AKAP10: variants seen among roughly 807,000 people sequenced by gnomAD.
AKAP10 encodes A-kinase anchor protein 10, mitochondrial.
A neutral mutation model predicts 80.8 loss-of-function variants in AKAP10; 24 were observed. The ratio of observed to expected loss-of-function variants is 0.30; its 90% CI spans 0.22 to 0.42. AKAP10 has a LOEUF of 0.42. Ranked by LOEUF, AKAP10 falls within the 10% of genes least tolerant of loss-of-function variation. The pLI, the probability that AKAP10 is intolerant of heterozygous loss-of-function variation, is 1.00. For missense variants in AKAP10, 661 were observed against 794.9 expected (o/e 0.83, Z 2.03); for synonymous variants, 291 against 277.7 (o/e 1.05, Z -0.48).
chr17:19,938,091 AT>A (rs1227765146), intron 8 of AKAP10, among the ~76,000 whole-genome samples: 1 of 150,500 alleles, frequency 6.6e-6, no homozygotes, highest in African/African-American at 2.4e-5. Flanking sequence ...TGCCCAGTTA[AT>A]TTTTTGTAGT....
rs756615577 is a variant in AKAP10, at chr17:19,958,010, T to G, written c.877+4A>C. 1 of 1,604,538 alleles carries G rather than the reference T, an allele frequency of 6.2e-7. No homozygotes were observed. On this transcript the variant is annotated splice_donor_region_variant and intron_variant, in intron 4 of 14. Coordinates refer to ENST00000225737, the MANE Select transcript of AKAP10 (RefSeq NM_007202.4). ...ATGTACACACAAGAAAATCACATAC[T>G]CACTTTTCATTAGTTTTCCTGACAA... is the stretch of plus-strand genomic sequence containing the variant.
intron 12 of AKAP10, among the ~76,000 whole-genome samples, chr17:19,914,520 C>T (rs1461503867): frequency 6.7e-6 from 1 of 150,050 alleles, no homozygotes; most frequent in Non-Finnish European, 1.5e-5. Context: ...TGTGTGCCTG[C>T]AGTTCCAGCT....
chr17:19,944,334 T>C (rs1223854450), intron 5 of AKAP10, among the ~76,000 whole-genome samples: 1 of 152,200 alleles, frequency 6.6e-6, no homozygotes, highest in Non-Finnish European at 1.5e-5. Context: ...GTGGACTGCA[T>C]GTTTATATAT....
chr17:19,936,641 C>A (rs2042995853), intron 8 of AKAP10, among the ~76,000 whole-genome samples: 1 of 152,192 alleles, frequency 6.6e-6, no homozygotes, highest in Non-Finnish European at 1.5e-5. Flanking sequence ...TTCTATCTGC[C>A]TGCCAACCAT....
At chr17:19,968,079 T>C (rs2043444888) in intron 2 of AKAP10, 2 of 192,332 alleles carry the variant, frequency 1.0e-5, no homozygotes, top group Non-Finnish European at 2.1e-5. Flanking sequence ...CGTGCACCTG[T>C]AGTCCCAGCT....
Position 19,951,185 on chromosome 17 carries a change from G to A in AKAP10, c.878-3680C>T, listed in dbSNP as rs1419394250. Among the ~76,000 whole-genome samples the A allele has an allele frequency of 3.5e-5, 4 of 114,520 alleles. No homozygotes were observed. The East Asian group carries it at 9.2e-4, about 26-fold the overall frequency. 75.1% of individuals were successfully genotyped at this position (114,520 alleles called of 152,430 possible). A position where few individuals can be genotyped will look rare whatever the true frequency, so the allele number is the denominator to read the frequency against. On this transcript the variant is annotated intron_variant, in intron 4 of 14. Transcript: ENST00000225737. ...AGCCGCCCCATCTGGGAGGGAGGTG[G>A]GGGGTCAGCCCCCGCCCGGCCAGCC...
At position 19,924,526 on chromosome 17, in the gene AKAP10, G is replaced by T. The variant is rs776479156; in HGVS notation, c.1642-9C>A. The T allele has an allele frequency of 1.3e-6, 2 of 1,546,894 alleles. No individual in the cohort carries two copies. The highest frequency in any genetic ancestry group is 2.7e-5 in the African/African-American group (2 of 72,918). On this transcript the variant is annotated splice_polypyrimidine_tract_variant and intron_variant, in intron 10 of 14. Transcript: ENST00000225737. Reference sequence around the variant, plus strand: ...GCTTTTTTCACACTGGACTACAATAGAAATTGTAAAATTAGAAGTATATGA... The same window carrying T: ...GCTTTTTTCACACTGGACTACAATATAAATTGTAAAATTAGAAGTATATGA...
chr17:19,970,647 AC>A (rs1307181970), intron 1 of AKAP10, among the ~76,000 whole-genome samples: 1 of 152,078 alleles, frequency 6.6e-6, no homozygotes, highest in Non-Finnish European at 1.5e-5. Context: ...ACATGGTGAA[AC>A]CCTGTCTCTA....
intron 12 of AKAP10, among the ~76,000 whole-genome samples, chr17:19,915,008 G>A (rs2042730128): frequency 6.6e-6 from 1 of 152,088 alleles, no homozygotes; most frequent in South Asian, 2.1e-4. Flanking sequence ...GAGATGAGGT[G>A]GATGATTAAG....
intron 12 of AKAP10, among the ~76,000 whole-genome samples, chr17:19,915,224 A>G (rs2042731943): frequency 6.6e-6 from 1 of 152,240 alleles, no homozygotes. Flanking sequence ...TTCTAATCTA[A>G]AATGTGTAAC....
At chr17:19,921,852 A>G (rs1375581950) in intron 11 of AKAP10, among the ~76,000 whole-genome samples, 1 of 152,210 alleles carries the variant, frequency 6.6e-6, no homozygotes, top group East Asian at 1.9e-4. Context: ...GCTCTGCTAC[A>G]GTGATGAGTT....
rs567355305 is a variant in AKAP10 at position 19,905,475 on chromosome 17, G to A, written c.*752C>T. Reference sequence around the variant, plus strand: ...CTGAAGGGAAAGTTAAGTAACTGGAGTGCAGAATTCCAAAGGGGCAAATCC... The same window carrying A: ...CTGAAGGGAAAGTTAAGTAACTGGAATGCAGAATTCCAAAGGGGCAAATCC... On this transcript the variant is annotated 3_prime_UTR_variant, in exon 15 of 15. Coordinates refer to ENST00000225737, the MANE Select transcript of AKAP10 (RefSeq NM_007202.4). 6.6e-6 allele frequency: 1 copy of A among 152,468 alleles called. No individual in the cohort carries two copies. Among genetic ancestry groups the A allele is most frequent in the South Asian group, 2.1e-4 (1 of 4,822 alleles). The allele number at this position is 152,468 out of a possible 1,614,324, so 9.4% of individuals were successfully genotyped here.
intron 5 of AKAP10, among the ~76,000 whole-genome samples, chr17:19,942,111 TAAC>T (rs1339072200): frequency 5.9e-5 from 9 of 152,148 alleles, no homozygotes; most frequent in Non-Finnish European, 1.3e-4. Flanking sequence ...TCAAAAGATT[TAAC>T]AACATAAAAT....
intron 11 of AKAP10, among the ~76,000 whole-genome samples, chr17:19,921,443 A>C (rs1156935144): frequency 6.6e-6 from 1 of 151,838 alleles, no homozygotes; most frequent in African/African-American, 2.4e-5. Context: ...GGCGTGAGCC[A>C]CTGTGTCCAG....
At chr17:19,970,549 G>A (rs910334849) in intron 1 of AKAP10, among the ~76,000 whole-genome samples, 33 of 152,108 alleles carry the variant, frequency 2.2e-4, no homozygotes, top group Non-Finnish European at 3.7e-4. Context: ...CTGGCCAAGC[G>A]CAGTGGCTCA....
intron 1 of AKAP10, among the ~76,000 whole-genome samples, chr17:19,974,198 A>T (rs868375642): frequency 2.1e-4 from 32 of 152,316 alleles, no homozygotes; most frequent in South Asian, 1.7e-3. Flanking sequence ...TCTCAAAAAA[A>T]AGAAAAGAAA....
Position 19,964,866 on chromosome 17 carries a change from G to A in AKAP10, c.137-1844C>T, listed in dbSNP as rs534626954. ...TGCGCGATCTCGCCACTGCCCTCCA[G>A]CCTGGGCAACAGAGCGAGAATCTGT... On this transcript the variant is annotated intron_variant, in intron 2 of 14. Coordinates refer to ENST00000225737, the MANE Select transcript of AKAP10 (RefSeq NM_007202.4). Among the ~76,000 whole-genome samples the A allele has an allele frequency of 2.0e-5, 3 of 152,306 alleles. No homozygotes were observed. In the South Asian group the frequency reaches 6.2e-4, roughly 32 times the overall value.
At chr17:19,911,861 A>G (rs1018598154) in intron 12 of AKAP10, among the ~76,000 whole-genome samples, 5 of 141,198 alleles carry the variant, frequency 3.5e-5, no homozygotes, top group Admixed American at 1.4e-4. Context: ...AAAAAAAAAA[A>G]AAAAAAAAGA....
chr17:19,940,683 A>C (rs1328363063), intron 7 of AKAP10, among the ~76,000 whole-genome samples: 1 of 152,240 alleles, frequency 6.6e-6, no homozygotes. Flanking sequence ...TCTCAAAATT[A>C]GAGTTATTTA....
Sources: allele counts gnomAD v4.1 joint callset (sites outside exome capture counted in the v4.1 genomes callset), GRCh38; gene constraint gnomAD v4.1.1; transcripts MANE v1.5; gene names NCBI Gene and HGNC (gene_info 2026-07-23, HGNC 2026-07-21).